The following AP3M2 variants were observed in gnomAD, a reference collection of about 807,000 sequenced individuals.
AP3M2 encodes the protein adaptor related protein complex 3 subunit mu 2.
A neutral mutation model predicts 41.6 loss-of-function variants in AP3M2; 28 were observed. The ratio of observed to expected loss-of-function variants is 0.67; its 90% confidence interval spans 0.50 to 0.92. AP3M2 has a LOEUF of 0.92. Ranked by LOEUF, AP3M2 falls within the 40% of genes least tolerant of loss-of-function variation. The probability of loss-of-function intolerance (pLI) is 0.00; values close to 1 mark genes in which losing one functional copy is unlikely to be tolerated. For missense variants in AP3M2, 427 were observed against 521.4 expected (o/e 0.82, Z 1.76); for synonymous variants, 193 against 186.4 (o/e 1.04, Z -0.29).
In AP3M2 at chr8:42,162,299, A is replaced by AC; in HGVS notation, c.466dup (p.Gln156ProfsTer23). ...GCCTCAGGAAGCACGAATGTGGGTG[A>AC]CCAGCTTCCCACTGGGCAGCTGTCA... is the stretch of plus-strand genomic sequence containing the variant. On this transcript the variant is annotated frameshift_variant, in exon 4 of 9. Transcript: ENST00000396926. LOFTEE classifies it high-confidence loss of function. 1 of 1,612,134 alleles carries AC rather than the reference A, an allele frequency of 6.2e-7. No individual in the cohort carries two copies. Among genetic ancestry groups the AC allele is most frequent in the Non-Finnish European group, 8.5e-7 (1 of 1,179,132 alleles).
Position 42,158,056 on chromosome 8 carries a change from TTAAAGAACTCA to T in AP3M2, c.395_405del (p.Glu132AlafsTer20), listed in dbSNP as rs1397473102. The T allele has an allele frequency of 2.5e-6, 4 of 1,614,034 alleles. No homozygotes were observed. Among genetic ancestry groups the T allele is most frequent in the Non-Finnish European group, 3.4e-6 (4 of 1,180,012 alleles). Reference sequence around the variant, plus strand: ...CCATTGGCTACCGAGTCGAACATTCTTAAAGAACTCATAAAGCCTCCTACCATCCTTCGAAC... The same window carrying T: ...CCATTGGCTACCGAGTCGAACATTCTTAAAGCCTCCTACCATCCTTCGAAC... On this transcript the variant is annotated frameshift_variant, in exon 3 of 9. Transcript: ENST00000396926. LOFTEE classifies it high-confidence loss of function.
intron 2 of AP3M2, chr8:42,155,925 C>G: frequency 2.2e-6 from 1 of 453,522 alleles, no homozygotes; most frequent in Non-Finnish European, 4.4e-6. Flanking sequence ...GAACAACTTC[C>G]CTTCCCAAGA....
At chr8:42,164,750 A>G (rs927044788) in intron 4 of AP3M2, among the ~76,000 whole-genome samples, 3 of 152,238 alleles carry the variant, frequency 2.0e-5, no homozygotes, top group Non-Finnish European at 2.9e-5. Context: ...GGCTAAAATA[A>G]TGATGCTCTG....
At chr8:42,168,863 G>A (rs1017701578) in intron 8 of AP3M2, 98 bp from the exon 9 acceptor site, 15 of 818,116 alleles carry the variant, frequency 1.8e-5, no homozygotes, top group East Asian at 2.7e-5. Context: ...CAGCAATGTC[G>A]GTCCCACTGA....
chr8:42,158,439 G>A (rs999812567), intron 3 of AP3M2, among the ~76,000 whole-genome samples: 4 of 151,926 alleles, frequency 2.6e-5, no homozygotes, highest in African/African-American at 7.3e-5. Context: ...AGTAGAGATG[G>A]TGTTTCACTA....
At chr8:42,159,390 A>G (rs1587913994) in intron 3 of AP3M2, among the ~76,000 whole-genome samples, 1 of 152,230 alleles carries the variant, frequency 6.6e-6, no homozygotes, top group South Asian at 2.1e-4. Context: ...TGTTATTGTC[A>G]TTAATAATTT....
chr8:42,155,082 A>T, intron 2 of AP3M2, 122 bp downstream of exon 2: 1 of 789,840 alleles, frequency 1.3e-6, no homozygotes, highest in South Asian at 1.8e-5. Flanking sequence ...GGTATTACTC[A>T]CTTCCTCTCC....
chr8:42,154,354 T>C (rs1804296924), intron 1 of AP3M2: 1 of 205,654 alleles, frequency 4.9e-6, no homozygotes, highest in African/African-American at 2.3e-5. Flanking sequence ...TGCGGTTCGG[T>C]TGAGAAAATA....
chr8:42,163,056 C>T (rs1804551799), intron 4 of AP3M2, among the ~76,000 whole-genome samples: 1 of 149,362 alleles, frequency 6.7e-6, no homozygotes, highest in South Asian at 2.1e-4. Context: ...AAGTTGTAAT[C>T]ACAAAATTCA....
Position 42,169,625 on chromosome 8 carries a change from GTTTC to G in AP3M2, c.*570_*573del, listed in dbSNP as rs1314533338. On this transcript the variant is annotated 3_prime_UTR_variant, in exon 9 of 9. Transcript: ENST00000396926. ...GGATGGGAAGGAAAGAGTTGAGTTGGTTTCTTTCTGATTCCTCTACTCATGTAGA... is the reference window on the plus strand; with the variant it reads ...GGATGGGAAGGAAAGAGTTGAGTTGGTTTCTGATTCCTCTACTCATGTAGA... 6.6e-6 allele frequency: 1 copy of G among 152,144 alleles called. No individual in the cohort carries two copies. The highest frequency in any genetic ancestry group is 1.5e-5 in the Non-Finnish European group (1 of 68,036). 9.4% of individuals were successfully genotyped at this position (152,144 alleles called of 1,614,324 possible). A position where few individuals can be genotyped will look rare whatever the true frequency, so the allele number is the denominator to read the frequency against.
At chr8:42,166,071 C>G (rs961622669) in intron 6 of AP3M2, among the ~76,000 whole-genome samples, 2 of 152,156 alleles carry the variant, frequency 1.3e-5, no homozygotes, top group Non-Finnish European at 2.9e-5. Context: ...GCCTCAGAGC[C>G]ACCAGTCCCT....
chr8:42,153,658 A>ATTTT, intron 1 of AP3M2: 1 of 141,132 alleles, frequency 7.1e-6, no homozygotes, highest in Non-Finnish European at 1.6e-5. Context: ...CCCCAGGGAA[A>ATTTT]TTTTTTTTTT....
At chr8:42,167,500 G>C in intron 7 of AP3M2, 129 bp downstream of exon 7, 1 of 1,371,818 alleles carries the variant, frequency 7.3e-7, no homozygotes. Context: ...CTCCTGCCAG[G>C]TAACTTAACA....
intron 3 of AP3M2, among the ~76,000 whole-genome samples, chr8:42,158,610 T>C (rs898350968): frequency 6.6e-6 from 1 of 152,064 alleles, no homozygotes; most frequent in Non-Finnish European, 1.5e-5. Context: ...TACCCTGATT[T>C]TAATGACAAA....
intron 8 of AP3M2, chr8:42,168,219 T>C (rs774527536): frequency 4.1e-5 from 19 of 458,492 alleles, no homozygotes; most frequent in South Asian, 2.8e-4. Flanking sequence ...TTTGCTCTTA[T>C]TTCTATTTTG....
rs1054545315 is a variant in AP3M2, at chr8:42,170,502, T to G, written c.*1441T>G. The G allele has an allele frequency of 1.3e-5, 2 of 152,234 alleles. No homozygotes were observed. The highest frequency in any genetic ancestry group is 6.5e-5 in the Admixed American group (1 of 15,286). 9.4% of individuals were successfully genotyped at this position (152,234 alleles called of 1,614,324 possible). On this transcript the variant is annotated 3_prime_UTR_variant, in exon 9 of 9. Transcript: ENST00000396926. ...ATATTTATACAAAAGGGTTTTTGTT[T>G]ATAGCTTAAGGAATGATACTGTGCT...
Position 42,154,799 on chromosome 8 carries a change from A to G in AP3M2, c.112A>G (p.Arg38Gly). 1 of 1,614,096 alleles carries G rather than the reference A, an allele frequency of 6.2e-7. No individual in the cohort carries two copies. The highest frequency in any genetic ancestry group is 8.5e-7 in the Non-Finnish European group (1 of 1,180,028). ...TGATTACTTTTTTGAGGCGCAAGAG[A>G]GAGCTACTGAGGCAGAAAATGTGCC... The part of the protein sequence containing the change: ...VCDYFFEAQE[R>G]ATEAENVPPV... Residue 38 changes from arginine to glycine, a missense_variant, in exon 2 of 9, where the codon AGA becomes GGA. Physicochemically the swap from Arg to Gly is moderately radical, Grantham distance 125. Coordinates refer to ENST00000396926, the MANE Select transcript of AP3M2 (RefSeq NM_006803.4).
intron 4 of AP3M2, among the ~76,000 whole-genome samples, chr8:42,162,867 G>A (rs544409596): frequency 6.9e-6 from 1 of 144,668 alleles, no homozygotes; most frequent in East Asian, 2.0e-4. Context: ...GATTGCTTGA[G>A]CTTGGGAAGT....
At position 42,154,795 on chromosome 8, in the gene AP3M2, A is replaced by G; in HGVS notation, c.108A>G (p.Gln36=). Residue 36 remains glutamine, a synonymous_variant, in exon 2 of 9, where the codon CAA becomes CAG. Transcript: ENST00000396926. The part of the protein sequence containing the change: ...RSVCDYFFEA[Q]ERATEAENVP... ...TTTGTGATTACTTTTTTGAGGCGCA[A>G]GAGAGAGCTACTGAGGCAGAAAATG... 6.2e-7 allele frequency: 1 copy of G among 1,614,156 alleles called. No homozygotes were observed. The highest frequency in any genetic ancestry group is 8.5e-7 in the Non-Finnish European group (1 of 1,180,030).
Sources: allele counts gnomAD v4.1 joint callset (sites outside exome capture counted in the v4.1 genomes callset), GRCh38; gene constraint gnomAD v4.1.1; transcripts MANE v1.5; gene names NCBI Gene and HGNC (gene_info 2026-07-23, HGNC 2026-07-21).